Variants in DYNLL2 observed in about 807,000 individuals in gnomAD.
DYNLL2 encodes dynein light chain 2, cytoplasmic.
Under a neutral mutation model 9.7 loss-of-function variants are expected in DYNLL2, and 1 was observed. That is an observed-to-expected ratio of 0.10 (90% CI 0.04 to 0.49). DYNLL2 has a LOEUF of 0.49. DYNLL2 is among the 20% of genes least tolerant of loss of function. The pLI is 0.95. For synonymous variants in DYNLL2, 35 were observed against 40.5 expected, an observed-to-expected ratio of 0.86 and a Z score of 0.52; for missense variants, 37 against 115.2, an observed-to-expected ratio of 0.32 and a Z score of 3.11.
intron 2 of DYNLL2, among the ~76,000 whole-genome samples, chr17:58,088,314 T>G (rs1395463768): frequency 6.6e-6 from 1 of 151,864 alleles, no homozygotes; most frequent in Admixed American, 6.6e-5. Context: ...ACTTGGAGAG[T>G]TGTGTGGTAT....
chr17:58,093,544 G>C lies in DYNLL2; in HGVS notation c.*4265G>C, dbSNP rs1053066323. 6.6e-6 allele frequency: 1 copy of C among 152,130 alleles called. No homozygotes were observed. Among genetic ancestry groups the C allele is most frequent in the African/African-American group, 2.4e-5 (1 of 41,424 alleles). 9.4% of individuals were successfully genotyped at this position (152,130 alleles called of 1,614,324 possible). Reference sequence around the variant, plus strand: ...GAACTTAGCACTGTGATGCACAAAGGCTTAACTGGGTTTGGCAGCAAGGGT... The same window carrying C: ...GAACTTAGCACTGTGATGCACAAAGCCTTAACTGGGTTTGGCAGCAAGGGT... On this transcript the variant is annotated 3_prime_UTR_variant, in exon 3 of 3. Coordinates refer to ENST00000579991, the MANE Select transcript of DYNLL2 (RefSeq NM_080677.3).
At position 58,089,397 on chromosome 17, in the gene DYNLL2, A is replaced by C. The variant is rs1489908552; in HGVS notation, c.*118A>C. On this transcript the variant is annotated 3_prime_UTR_variant, in exon 3 of 3. Coordinates refer to ENST00000579991, the MANE Select transcript of DYNLL2 (RefSeq NM_080677.3). ...TCCTCTCCAATGGCTGTGCTACTGCATGGACTGTATACTCGATTTCATGTG... is the reference window on the plus strand; with the variant it reads ...TCCTCTCCAATGGCTGTGCTACTGCCTGGACTGTATACTCGATTTCATGTG... 5 of 1,320,104 alleles carry C rather than the reference A, an allele frequency of 3.8e-6. No homozygotes were observed. The highest frequency in any genetic ancestry group is 1.4e-5 in the South Asian group (1 of 70,030). The allele number at this position is 1,320,104 out of a possible 1,614,324, so 81.8% of individuals were successfully genotyped here. A position where few individuals can be genotyped will look rare whatever the true frequency, so the allele number is the denominator to read the frequency against.
Position 58,090,958 on chromosome 17 carries a change from CAGGGG to C in DYNLL2, c.*1687_*1691del, listed in dbSNP as rs1567767314. 3 of 152,144 alleles carry C rather than the reference CAGGGG, an allele frequency of 2.0e-5. No individual in the cohort carries two copies. The highest frequency in any genetic ancestry group is 6.5e-5 in the Admixed American group (1 of 15,284). 9.4% of individuals were successfully genotyped at this position (152,144 alleles called of 1,614,324 possible). ...TGCCGAGCTTGCTTTGTGATGTTGG[CAGGGG>C]AGGGGAGACCTGGGTGGTGACTGAG... On this transcript the variant is annotated 3_prime_UTR_variant, in exon 3 of 3. Coordinates refer to ENST00000579991, the MANE Select transcript of DYNLL2 (RefSeq NM_080677.3).
chr17:58,086,638 T>C (rs1040123633), intron 1 of DYNLL2, among the ~76,000 whole-genome samples: 6 of 152,208 alleles, frequency 3.9e-5, no homozygotes, highest in African/African-American at 1.4e-4. Flanking sequence ...GGTCATTAAA[T>C]CAGGGACTTA....
rs900538699 is a variant in DYNLL2, at chr17:58,091,210, G to A, written c.*1931G>A. On this transcript the variant is annotated 3_prime_UTR_variant, in exon 3 of 3. Coordinates refer to ENST00000579991, the MANE Select transcript of DYNLL2 (RefSeq NM_080677.3). Reference sequence around the variant, plus strand: ...ATCCACGCCTCTTTTGGACATTAAAGGTTGATTGATGCACCTCTGCACTGT... The same window carrying A: ...ATCCACGCCTCTTTTGGACATTAAAAGTTGATTGATGCACCTCTGCACTGT... 1.3e-5 allele frequency: 2 copies of A among 152,240 alleles called. No homozygotes were observed. Among genetic ancestry groups the A allele is most frequent in the Non-Finnish European group, 2.9e-5 (2 of 68,094 alleles). The allele number at this position is 152,240 out of a possible 1,614,324, so 9.4% of individuals were successfully genotyped here. A position where few individuals can be genotyped will look rare whatever the true frequency, so the allele number is the denominator to read the frequency against.
At position 58,091,044 on chromosome 17, in the gene DYNLL2, TA is replaced by T. The variant is rs1319864662; in HGVS notation, c.*1766del. On this transcript the variant is annotated 3_prime_UTR_variant, in exon 3 of 3. Transcript: ENST00000579991. Reference sequence around the variant, plus strand: ...AAATTGAGTGCTTGATTTTAGGTTTTATTTTTTTATGAATGTCCAAATCTGT... The same window carrying T: ...AAATTGAGTGCTTGATTTTAGGTTTTTTTTTTTATGAATGTCCAAATCTGT... The T allele has an allele frequency of 6.6e-6, 1 of 152,132 alleles. No homozygotes were observed. Among genetic ancestry groups the T allele is most frequent in the African/African-American group, 2.4e-5 (1 of 41,392 alleles). The allele number at this position is 152,132 out of a possible 1,614,324, so 9.4% of individuals were successfully genotyped here.
At chr17:58,085,810 GT>G (rs1273061593) in intron 1 of DYNLL2, among the ~76,000 whole-genome samples, 2 of 152,104 alleles carry the variant, frequency 1.3e-5, no homozygotes, top group Non-Finnish European at 1.5e-5. Context: ...CCAAGCCTCT[GT>G]TTTTTTAGGG....
chr17:58,093,772 G>A lies in DYNLL2; in HGVS notation c.*4493G>A, dbSNP rs1379912153. The A allele has an allele frequency of 1.3e-5, 2 of 152,184 alleles. No individual in the cohort carries two copies. The highest frequency in any genetic ancestry group is 2.4e-5 in the African/African-American group (1 of 41,418). The allele number at this position is 152,184 out of a possible 1,614,324, so 9.4% of individuals were successfully genotyped here. On this transcript the variant is annotated 3_prime_UTR_variant, in exon 3 of 3. Coordinates refer to ENST00000579991, the MANE Select transcript of DYNLL2 (RefSeq NM_080677.3). ...AGATGGGTCTCCTGGTATTAGAAAG[G>A]AGAGCAGACGCCTAGAGTTCTGACC...
chr17:58,089,655 GGT>G lies in DYNLL2; in HGVS notation c.*378_*379del, dbSNP rs2075773052. 1 of 420,170 alleles carries G rather than the reference GGT, an allele frequency of 2.4e-6. No homozygotes were observed. Among genetic ancestry groups the G allele is most frequent in the Admixed American group, 4.3e-5 (1 of 23,448 alleles). The allele number at this position is 420,170 out of a possible 1,614,324, so 26.0% of individuals were successfully genotyped here. On this transcript the variant is annotated 3_prime_UTR_variant, in exon 3 of 3. Coordinates refer to ENST00000579991, the MANE Select transcript of DYNLL2 (RefSeq NM_080677.3). Reference sequence around the variant, plus strand: ...TGAGGAAAAGAAATAGGTCTCTGGAGGTGGAACTAAAACTGTGCAGCTGCCTC... The same window carrying G: ...TGAGGAAAAGAAATAGGTCTCTGGAGGGAACTAAAACTGTGCAGCTGCCTC...
At chr17:58,088,233 G>A (rs2075767661) in intron 2 of DYNLL2, among the ~76,000 whole-genome samples, 1 of 152,246 alleles carries the variant, frequency 6.6e-6, no homozygotes, top group South Asian at 2.1e-4. Context: ...AACCAGGGAA[G>A]TGACTGGCTC....
At chr17:58,087,425 G>GGT (rs34847794) in intron 2 of DYNLL2, among the ~76,000 whole-genome samples, 109 of 151,006 alleles carry the variant, frequency 7.2e-4, no homozygotes, top group Middle Eastern at 6.8e-3. Context: ...AGCTCTGCCA[G>GGT]GTGTGTGTGT....
rs1474770540 is a variant in DYNLL2 at position 58,093,374 on chromosome 17, A to T, written c.*4095A>T. ...ATAGTGTGTTCATAAAGTGCATTTT[A>T]TTTTTAAAGCATTTCAGTTTATGTT... is the stretch of plus-strand genomic sequence containing the variant. On this transcript the variant is annotated 3_prime_UTR_variant, in exon 3 of 3. Coordinates refer to ENST00000579991, the MANE Select transcript of DYNLL2 (RefSeq NM_080677.3). 6 of 152,166 alleles carry T rather than the reference A, an allele frequency of 3.9e-5. No individual in the cohort carries two copies. The highest frequency in any genetic ancestry group is 8.8e-5 in the Non-Finnish European group (6 of 68,010). The allele number at this position is 152,166 out of a possible 1,614,324, so 9.4% of individuals were successfully genotyped here. A position where few individuals can be genotyped will look rare whatever the true frequency, so the allele number is the denominator to read the frequency against.
rs1460597434 is a variant in DYNLL2 at position 58,095,229 on chromosome 17, C to G, written c.*5950C>G. 6.6e-6 allele frequency: 1 copy of G among 152,158 alleles called. No individual in the cohort carries two copies. Among genetic ancestry groups the G allele is most frequent in the African/African-American group, 2.4e-5 (1 of 41,426 alleles). The allele number at this position is 152,158 out of a possible 1,614,324, so 9.4% of individuals were successfully genotyped here. ...ACATTAGGTATACAGATTACAATTT[C>G]TGAACTCTGCCATTCCAGTGTGAGA... On this transcript the variant is annotated 3_prime_UTR_variant, in exon 3 of 3. Transcript: ENST00000579991.
chr17:58,088,256 CAT>C (rs1187380847), intron 2 of DYNLL2, among the ~76,000 whole-genome samples: 1 of 152,196 alleles, frequency 6.6e-6, no homozygotes, highest in Non-Finnish European at 1.5e-5. Flanking sequence ...CTGTATTACA[CAT>C]AGTCTTGAGC....
In DYNLL2 at chr17:58,094,088, G is replaced by C. The variant is rs1422832542; in HGVS notation, c.*4809G>C. On this transcript the variant is annotated 3_prime_UTR_variant, in exon 3 of 3. Coordinates refer to ENST00000579991, the MANE Select transcript of DYNLL2 (RefSeq NM_080677.3). ...GTTTGTGGTGAGGCTGCTGGACACT[G>C]CTGTTTTGGGCTTTCTAGAGAGAAT... is the stretch of plus-strand genomic sequence containing the variant. 6.6e-6 allele frequency: 1 copy of C among 152,212 alleles called. No homozygotes were observed. Among genetic ancestry groups the C allele is most frequent in the Non-Finnish European group, 1.5e-5 (1 of 68,050 alleles). The allele number at this position is 152,212 out of a possible 1,614,324, so 9.4% of individuals were successfully genotyped here.
chr17:58,085,396 G>A (rs1461948928), intron 1 of DYNLL2, among the ~76,000 whole-genome samples: 1 of 152,186 alleles, frequency 6.6e-6, no homozygotes, highest in East Asian at 1.9e-4. Context: ...AGGTGGCCTG[G>A]AATGATACCA....
intron 2 of DYNLL2, 146 bp downstream of exon 2, chr17:58,087,368 G>C: frequency 1.7e-6 from 2 of 1,211,674 alleles, no homozygotes; most frequent in South Asian, 3.2e-5. Flanking sequence ...AGACAAACTA[G>C]CGAGTGATTC....
Position 58,089,504 on chromosome 17 carries a change from CTT to C in DYNLL2, c.*227_*228del. 1 of 527,246 alleles carries C rather than the reference CTT, an allele frequency of 1.9e-6. No homozygotes were observed. The highest frequency in any genetic ancestry group is 3.2e-6 in the Non-Finnish European group (1 of 316,302). 32.7% of individuals were successfully genotyped at this position (527,246 alleles called of 1,614,324 possible). A position where few individuals can be genotyped will look rare whatever the true frequency, so the allele number is the denominator to read the frequency against. On this transcript the variant is annotated 3_prime_UTR_variant, in exon 3 of 3. Transcript: ENST00000579991. The stretch of plus-strand genomic sequence containing the variant: ...GCTGCTTTATGTTTATTTTTCAAGA[CTT>C]TAAAAATATTTTTTGGTTGTATTGC...
intron 2 of DYNLL2, among the ~76,000 whole-genome samples, chr17:58,088,086 G>C (rs1233871869): frequency 2.0e-5 from 1 of 49,082 alleles, no homozygotes; most frequent in Non-Finnish European, 3.8e-5. Context: ...CTGGAGTCCT[G>C]AGGGACTTTT....
Sources: allele counts gnomAD v4.1 joint callset (sites outside exome capture counted in the v4.1 genomes callset), GRCh38; gene constraint gnomAD v4.1.1; transcripts MANE v1.5; gene names NCBI Gene and HGNC (gene_info 2026-07-23, HGNC 2026-07-21).